PRMT8: variants seen among roughly 807,000 people sequenced by gnomAD.
PRMT8 encodes protein arginine N-methyltransferase 8.
Under a neutral mutation model 47.1 loss-of-function variants are expected in PRMT8, and 7 were observed. That is an observed-to-expected ratio of 0.15 (90% CI 0.08 to 0.28). The LOEUF (loss-of-function observed/expected upper bound fraction) is 0.28, where lower values mean the gene tolerates loss of function less well. Ranked by LOEUF, PRMT8 falls within the 10% of genes least tolerant of loss-of-function variation. The pLI is 1.00. For synonymous variants in PRMT8, 188 were observed against 186.5 expected, an observed-to-expected ratio of 1.01 and a Z score of -0.07; for missense variants, 237 against 505.4, an observed-to-expected ratio of 0.47 and a Z score of 5.09.
At position 3,550,992 on chromosome 12, in the gene PRMT8, C is replaced by T. The variant is rs987155355; in HGVS notation, c.417+901C>T. 1.3e-5 allele frequency: 2 copies of T among 152,236 alleles called. No homozygotes were observed. The highest frequency in any genetic ancestry group is 6.5e-5 in the Admixed American group (1 of 15,294). The allele number at this position is 152,236 out of a possible 1,614,324, so 9.4% of individuals were successfully genotyped here. A position where few individuals can be genotyped will look rare whatever the true frequency, so the allele number is the denominator to read the frequency against. ...GTCTGCATGTGAGCCGGCCCATTTG[C>T]AGAGGCCTCAGCGACCTGAGCAGCA... On this transcript the variant is annotated intron_variant, in intron 3 of 9. Transcript: ENST00000382622. The surrounding 1 kb of genome is among the most constrained non-coding windows in gnomAD (Gnocchi z 5.1).
At chr12:3,419,770 G>C (rs895045365) in intron 1 of PRMT8, among the ~76,000 whole-genome samples, 1 of 151,700 alleles carries the variant, frequency 6.6e-6, no homozygotes, top group African/African-American at 2.4e-5. Context: ...CAATGGCCTC[G>C]AGTTAAATGA....
At chr12:3,441,798 C>T (rs1485096474) in intron 1 of PRMT8, among the ~76,000 whole-genome samples, 1 of 152,122 alleles carries the variant, frequency 6.6e-6, no homozygotes, top group African/African-American at 2.4e-5. Flanking sequence ...CATGCCATTC[C>T]CCAAAATTCA....
At chr12:3,489,859 T>A (rs529218494), upstream of PRMT8, among the ~76,000 whole-genome samples, 74 of 145,916 alleles carry the variant, frequency 5.1e-4, no homozygotes, top group East Asian at 0.012. Flanking sequence ...ACACACACAC[T>A]CAAGCCTCTT....
chr12:3,426,642 G>A (rs1385840702), intron 1 of PRMT8, among the ~76,000 whole-genome samples: 4 of 152,196 alleles, frequency 2.6e-5, no homozygotes, highest in Non-Finnish European at 4.4e-5. Context: ...AGTTTGAGGC[G>A]AAATTGACTT....
intron 1 of PRMT8, among the ~76,000 whole-genome samples, chr12:3,465,139 T>G (rs1865081264): frequency 8.1e-6 from 1 of 124,148 alleles, no homozygotes; most frequent in Admixed American, 9.8e-5. Context: ...AATATATATA[T>G]ATATATATAA....
chr12:3,517,658 C>T (rs551456208), intron 1 of PRMT8, among the ~76,000 whole-genome samples: 3 of 152,106 alleles, frequency 2.0e-5, no homozygotes, highest in Non-Finnish European at 4.4e-5. Flanking sequence ...GCTGAGTACA[C>T]AGGGAAAAGC....
At chr12:3,443,472 C>A (rs1176177878) in intron 1 of PRMT8, among the ~76,000 whole-genome samples, 1 of 152,258 alleles carries the variant, frequency 6.6e-6, no homozygotes, top group African/African-American at 2.4e-5. Flanking sequence ...ACATCCAATT[C>A]ACCATAAAGT....
At chr12:3,429,015 ACTCTCT>A (rs1009495948) in intron 1 of PRMT8, among the ~76,000 whole-genome samples, 1 of 115,048 alleles carries the variant, frequency 8.7e-6, no homozygotes, top group Non-Finnish European at 1.9e-5. Context: ...TCTCTCTCTG[ACTCTCT>A]CTCTCTCTAT....
At chr12:3,545,017 C>T (rs1866303620) in intron 2 of PRMT8, among the ~76,000 whole-genome samples, 1 of 152,186 alleles carries the variant, frequency 6.6e-6, no homozygotes. Context: ...GCCTCCATTC[C>T]CTGCTCATCT....
rs9634149 is a variant in PRMT8 at position 3,477,311 on chromosome 12, C to T, written c.49-63295C>T. ...GTGTGTAGGCACCTTCTAAGTGCTC[C>T]GCACTGGACTGGGCATTGAGAGGGA... On this transcript the variant is annotated intron_variant, in intron 1 of 9. Coordinates refer to the PRMT8 transcript ENST00000452611. Among the ~76,000 whole-genome samples the T allele has an allele frequency of 3.8e-3, 586 of 152,328 alleles. 12 individuals carry two copies. In the East Asian group the frequency reaches 0.065, roughly 17 times the overall value.
At chr12:3,407,955 A>G (rs1036126400) in intron 1 of PRMT8, among the ~76,000 whole-genome samples, 5 of 151,288 alleles carry the variant, frequency 3.3e-5, no homozygotes, top group African/African-American at 1.2e-4. Context: ...CAGTTTCAGG[A>G]TTTCTGTTTG....
chr12:3,411,733 T>G (rs750447113), intron 1 of PRMT8, among the ~76,000 whole-genome samples: 1 of 152,194 alleles, frequency 6.6e-6, no homozygotes, highest in Non-Finnish European at 1.5e-5. Flanking sequence ...AACTGGTGGC[T>G]TAATAAGAGG....
At chr12:3,465,917 G>C (rs954906504) in intron 1 of PRMT8, among the ~76,000 whole-genome samples, 1 of 152,170 alleles carries the variant, frequency 6.6e-6, no homozygotes, top group African/African-American at 2.4e-5. Context: ...TGACGCCTAA[G>C]AAATGTAGTC....
upstream of PRMT8, among the ~76,000 whole-genome samples, chr12:3,487,647 C>T (rs748111605): frequency 1.5e-4 from 23 of 152,180 alleles, no homozygotes; most frequent in Non-Finnish European, 7.4e-5. Context: ...TGCAGCATCT[C>T]ACAAAGCTGG....
At chr12:3,561,042 A>C (rs1268320860) in intron 4 of PRMT8, among the ~76,000 whole-genome samples, 1 of 152,196 alleles carries the variant, frequency 6.6e-6, no homozygotes, top group Non-Finnish European at 1.5e-5. Context: ...GTGCTCTGAC[A>C]GTAATCCTCT....
intron 1 of PRMT8, among the ~76,000 whole-genome samples, chr12:3,427,666 A>C (rs1472491010): frequency 1.3e-5 from 2 of 152,058 alleles, no homozygotes; most frequent in South Asian, 2.1e-4. Context: ...TTCTTGCATA[A>C]ATTCTTTTTT....
In PRMT8 at chr12:3,566,308, A is replaced by G. The variant is rs911890475; in HGVS notation, c.482-2398A>G. ...TTAGTGCACCCTGGGCCCTGCTCTC[A>G]GTTGAGTTCCTGCCCTGGGGTCTCT... On this transcript the variant is annotated intron_variant, in intron 4 of 9. Transcript: ENST00000382622. This position sits in a 1 kb window ranked among gnomAD's most constrained non-coding sequence, Gnocchi z 4.7. Among the ~76,000 whole-genome samples the G allele has an allele frequency of 6.6e-6, 1 of 152,186 alleles. No homozygotes were observed. The highest frequency in any genetic ancestry group is 2.4e-5 in the African/African-American group (1 of 41,444).
At chr12:3,494,621 G>C (rs576033423) in intron 1 of PRMT8, among the ~76,000 whole-genome samples, 148 of 152,326 alleles carry the variant, frequency 9.7e-4, no homozygotes, top group South Asian at 4.8e-3. Flanking sequence ...ATGGGAGAAA[G>C]TGTTCGTTCA....
intron 1 of PRMT8, among the ~76,000 whole-genome samples, chr12:3,476,653 A>G (rs1277571518): frequency 2.6e-5 from 4 of 152,190 alleles, no homozygotes; most frequent in Admixed American, 2.6e-4. Flanking sequence ...TCATTGCAAA[A>G]AAAGCTTTCT....
Sources: allele counts gnomAD v4.1 joint callset (sites outside exome capture counted in the v4.1 genomes callset), GRCh38; gene constraint gnomAD v4.1.1; non-coding constraint Gnocchi (gnomAD v3.1); transcripts MANE v1.5; gene names NCBI Gene and HGNC (gene_info 2026-07-23, HGNC 2026-07-21).